Variants in IL1RAPL2 observed in about 807,000 individuals in gnomAD.
IL1RAPL2 encodes X-linked interleukin-1 receptor accessory protein-like 2.
Under a neutral mutation model 44.1 loss-of-function variants are expected in IL1RAPL2, and 3 were observed. The observed-to-expected ratio is 0.07, with a 90% CI of 0.03 to 0.18. IL1RAPL2 has a LOEUF of 0.18. Among genes scored for constraint, IL1RAPL2 ranks in the 10% least tolerant of loss-of-function variants. IL1RAPL2 has a pLI of 1.00. For missense variants in IL1RAPL2, 391 were observed against 496.4 expected (o/e 0.79, Z 2.02); for synonymous variants, 181 against 178.8 (o/e 1.01, Z -0.10).
At chrX:105,202,248 A>G in intron 3 of IL1RAPL2, among the ~76,000 whole-genome samples, 1 of 112,569 alleles carries the variant, frequency 8.9e-6, no homozygotes, top group Non-Finnish European at 1.9e-5. Context: ...TTAATAGGTT[A>G]TATTTGATAA....
intron 5 of IL1RAPL2, among the ~76,000 whole-genome samples, chrX:105,470,669 A>G (rs1316721390): frequency 8.9e-6 from 1 of 112,072 alleles, no homozygotes; most frequent in African/African-American, 3.2e-5. Flanking sequence ...CTATGGAAAT[A>G]TACTTGCCAG....
chrX:104,763,279 C>T (rs1932498213), intron 2 of IL1RAPL2, among the ~76,000 whole-genome samples: 1 of 112,078 alleles, frequency 8.9e-6, no homozygotes. Context: ...TGTGAGACCA[C>T]CTCAGCCTGG....
chrX:104,881,560 T>C (rs1210556672), intron 2 of IL1RAPL2, among the ~76,000 whole-genome samples: 11 of 112,390 alleles, frequency 9.8e-5, no homozygotes, highest in African/African-American at 3.6e-4. Flanking sequence ...TACTCTGTAA[T>C]ATAGGTAAAT....
At chrX:104,964,671 G>A (rs1181726452) in intron 2 of IL1RAPL2, among the ~76,000 whole-genome samples, 4 of 110,827 alleles carry the variant, frequency 3.6e-5, no homozygotes, top group Non-Finnish European at 7.5e-5. Flanking sequence ...CTCTCTATCC[G>A]AATTAACATC....
chrX:105,217,227 A>T (rs1272046749), intron 3 of IL1RAPL2, among the ~76,000 whole-genome samples: 1 of 110,307 alleles, frequency 9.1e-6, no homozygotes, highest in Non-Finnish European at 1.9e-5. Context: ...TAATATCCAG[A>T]ATCTACAATG....
intron 2 of IL1RAPL2, among the ~76,000 whole-genome samples, chrX:105,043,520 A>T (rs1300013936): frequency 2.7e-5 from 3 of 109,238 alleles, no homozygotes; most frequent in Non-Finnish European, 5.7e-5. Flanking sequence ...CTCTACTGAA[A>T]TAAGTCCCTT....
intron 2 of IL1RAPL2, among the ~76,000 whole-genome samples, chrX:105,008,680 A>G (rs1425036171): frequency 9.0e-6 from 1 of 111,444 alleles, no homozygotes; most frequent in Non-Finnish European, 1.9e-5. Flanking sequence ...ACCATTCAGG[A>G]TATAGGCATG....
intron 2 of IL1RAPL2, among the ~76,000 whole-genome samples, chrX:105,117,074 G>T (rs1244301462): frequency 1.8e-5 from 2 of 112,296 alleles, no homozygotes; most frequent in Non-Finnish European, 3.8e-5. Context: ...CTTCATTACT[G>T]TGTATTTTTG....
intron 6 of IL1RAPL2, among the ~76,000 whole-genome samples, chrX:105,660,150 T>A (rs1211499003): frequency 2.7e-5 from 3 of 110,870 alleles, no homozygotes; most frequent in African/African-American, 9.8e-5. Flanking sequence ...AGAAATAACA[T>A]GTAAAAGAGC....
chrX:105,449,703 C>T (rs2036004810), intron 5 of IL1RAPL2, among the ~76,000 whole-genome samples: 1 of 110,383 alleles, frequency 9.1e-6, no homozygotes, highest in African/African-American at 3.3e-5. Context: ...GCCAAGATTG[C>T]GCCACTGCAC....
chrX:104,815,794 T>C (rs1410061725), intron 2 of IL1RAPL2, among the ~76,000 whole-genome samples: 3 of 108,133 alleles, frequency 2.8e-5, no homozygotes, highest in African/African-American at 1.0e-4. Flanking sequence ...CTCTGCTTTA[T>C]AGCCTTCTGT....
At chrX:104,671,179 TAC>T (rs763809458) in intron 2 of IL1RAPL2, among the ~76,000 whole-genome samples, 18 of 108,903 alleles carry the variant, frequency 1.7e-4, no homozygotes, top group African/African-American at 5.0e-4. Flanking sequence ...TGCATGTGTA[TAC>T]ACACACACAC....
At chrX:105,409,807 TATAGATAGATAG>T (rs764698139) in intron 5 of IL1RAPL2, among the ~76,000 whole-genome samples, 23 of 89,412 alleles carry the variant, frequency 2.6e-4, no homozygotes, top group Middle Eastern at 5.9e-3. Context: ...GGCTTTGATT[TATAGATAGATAG>T]ATAGATAGAT....
At chrX:104,672,066 T>C (rs1162586918) in intron 2 of IL1RAPL2, among the ~76,000 whole-genome samples, 3 of 111,669 alleles carry the variant, frequency 2.7e-5, no homozygotes, top group African/African-American at 9.8e-5. Context: ...ACAGAGAGCA[T>C]GGTGGGCTGG....
intron 2 of IL1RAPL2, among the ~76,000 whole-genome samples, chrX:105,006,126 A>G (rs1479062794): frequency 9.0e-6 from 1 of 110,942 alleles, no homozygotes; most frequent in African/African-American, 3.3e-5. Flanking sequence ...ATGATGTATT[A>G]TCATCATTTG....
chrX:105,512,819 GC>G (rs1211443191), intron 6 of IL1RAPL2, among the ~76,000 whole-genome samples: 15 of 111,051 alleles, frequency 1.4e-4, no homozygotes, highest in South Asian at 7.6e-4. Flanking sequence ...TGCAGAACAT[GC>G]AGTTTTTTTT....
At chrX:104,780,397 C>T (rs1337547445) in intron 2 of IL1RAPL2, among the ~76,000 whole-genome samples, 2 of 111,938 alleles carry the variant, frequency 1.8e-5, no homozygotes, top group Non-Finnish European at 3.8e-5. Context: ...CTCTCTGTCA[C>T]AGAAATATGG....
chrX:105,532,292 C>G (rs895366732), intron 6 of IL1RAPL2, among the ~76,000 whole-genome samples: 2 of 111,683 alleles, frequency 1.8e-5, no homozygotes, highest in African/African-American at 6.5e-5. Context: ...TTTGCACCTC[C>G]CTTCACCCAA....
intron 2 of IL1RAPL2, among the ~76,000 whole-genome samples, chrX:104,726,945 A>ACT (rs1459663387): frequency 9.1e-6 from 1 of 109,783 alleles, no homozygotes; most frequent in Admixed American, 9.8e-5. Flanking sequence ...ACAGAAACCA[A>ACT]CTCAAAATGG....
Sources: gnomAD v4.1 joint callset for allele counts (sites outside exome capture counted in the v4.1 genomes callset) on GRCh38, gnomAD v4.1.1 for gene constraint, MANE v1.5 for transcripts, NCBI Gene and HGNC (gene_info 2026-07-23, HGNC 2026-07-21) for gene names.